The following BMS1 variants were observed in gnomAD, a reference collection of about 807,000 sequenced individuals.
BMS1 encodes BMS1 ribosome biogenesis factor.
A neutral mutation model predicts 138.7 loss-of-function variants in BMS1; 53 were observed. The ratio of observed to expected loss-of-function variants is 0.38; its 90% CI spans 0.31 to 0.48. The LOEUF (loss-of-function observed/expected upper bound fraction) is 0.48, where lower values mean the gene tolerates loss of function less well. Among genes scored for constraint, BMS1 ranks in the 20% least tolerant of loss-of-function variants. The pLI is 0.97. For missense variants in BMS1, 1,360 were observed against 1,565.5 expected (o/e 0.87, Z 2.22); for synonymous variants, 504 against 539.9 (o/e 0.93, Z 0.92).
At chr10:42,828,099 G>A (rs1842704035) in intron 21 of BMS1, among the ~76,000 whole-genome samples, 1 of 152,234 alleles carries the variant, frequency 6.6e-6, no homozygotes, top group Non-Finnish European at 1.5e-5. Context: ...CCTGGACCAA[G>A]CAGTAGCCTC....
chr10:42,792,028 C>G (rs1277525809), intron 6 of BMS1, among the ~76,000 whole-genome samples: 1 of 152,088 alleles, frequency 6.6e-6, no homozygotes, highest in Non-Finnish European at 1.5e-5. Flanking sequence ...CTACGTTCAG[C>G]CTCAGTTTTC....
chr10:42,813,675 C>T (rs1014423119), intron 13 of BMS1, among the ~76,000 whole-genome samples: 1 of 152,074 alleles, frequency 6.6e-6, no homozygotes, highest in East Asian at 1.9e-4. Flanking sequence ...TCCCATAGTC[C>T]CATATTCATC....
chr10:42,786,284 G>C (rs1438390921), intron 3 of BMS1, among the ~76,000 whole-genome samples: 1 of 152,228 alleles, frequency 6.6e-6, no homozygotes, highest in Non-Finnish European at 1.5e-5. Context: ...TGCTTTGGGA[G>C]ATGGTGACCT....
At chr10:42,810,935 T>G (rs1179543678) in intron 13 of BMS1, among the ~76,000 whole-genome samples, 1 of 152,210 alleles carries the variant, frequency 6.6e-6, no homozygotes, top group Non-Finnish European at 1.5e-5. Context: ...ATCTTTGTCG[T>G]AAAATTTATT....
In BMS1 at chr10:42,792,572, A is replaced by C. The variant is rs1420838734; in HGVS notation, c.859A>C (p.Arg287=). 6.2e-7 allele frequency: 1 copy of C among 1,611,102 alleles called. No individual in the cohort carries two copies. Among genetic ancestry groups the C allele is most frequent in the South Asian group, 1.1e-5 (1 of 90,980 alleles). Residue 287 remains arginine (R), a synonymous_variant, in exon 7 of 23, where the codon AGA becomes CGA. Transcript: ENST00000374518. The part of the protein sequence containing the change: ...DRKVSLYGYL[R]GAHLKNKSQI... Reference sequence around the variant, plus strand: ...GAAGGTGTCACTTTATGGTTATTTAAGAGGAGCACACTTGAAAAATAAAAG... The same window carrying C: ...GAAGGTGTCACTTTATGGTTATTTACGAGGAGCACACTTGAAAAATAAAAG...
chr10:42,829,752 G>A (rs1842749371), intron 21 of BMS1, among the ~76,000 whole-genome samples: 1 of 151,996 alleles, frequency 6.6e-6, no homozygotes, highest in Non-Finnish European at 1.5e-5. Flanking sequence ...AACCCAGGAG[G>A]TGGAGGTTGC....
chr10:42,797,202 A>G lies in BMS1; in HGVS notation c.1958A>G (p.Glu653Gly), dbSNP rs1252788111. ...NLLKEEEDYK[E>G]ENNDSKETSG... ...CTCAAAGAGGAAGAAGATTACAAGG[A>G]AGAAAATAATGATTCCAAAGAAACG... The change falls in exon 10 of 23, where the codon GAA becomes GGA. Residue 653 changes from glutamate (E) to glycine (G), a missense_variant. Glu to Gly is a moderately conservative substitution (Grantham distance 98, BLOSUM62 -2). This residue lies in a region of BMS1 where 697 missense variants were observed against 686.2 expected (regional missense o/e 1.02). Coordinates refer to ENST00000374518, the MANE Select transcript of BMS1 (RefSeq NM_014753.4). 1 of 1,605,956 alleles carries G rather than the reference A, an allele frequency of 6.2e-7. No homozygotes were observed. The highest frequency in any genetic ancestry group is 1.3e-5 in the African/African-American group (1 of 74,296).
intron 13 of BMS1, among the ~76,000 whole-genome samples, chr10:42,812,797 G>A (rs1842222429): frequency 1.3e-5 from 2 of 152,224 alleles, no homozygotes; most frequent in African/African-American, 4.8e-5. Context: ...GAGGGGGAAT[G>A]CAATTGGCTT....
intron 12 of BMS1, 97 bp from the exon 13 acceptor site, chr10:42,802,040 A>C: frequency 1.2e-6 from 1 of 865,414 alleles, no homozygotes; most frequent in Non-Finnish European, 1.8e-6. Context: ...GAAAGTGGGA[A>C]ATATTTAAAG....
chr10:42,820,939 A>G lies in BMS1; in HGVS notation c.2956A>G (p.Ile986Val), dbSNP rs549396023. 202 of 1,603,902 alleles carry G rather than the reference A, an allele frequency of 1.3e-4. 1 individual carries two copies. In the South Asian group the frequency reaches 1.9e-3, roughly 15 times the overall value. Reference protein sequence around the residue: ...MHCGAAFWGPITPQGTGFLAI... With the variant: ...MHCGAAFWGPVTPQGTGFLAI... ...TTTTTTCCTTTTCCTTTAAGGCCCTATCACTCCACAGGGAACTGGTTTCTT... is the reference window on the plus strand; with the variant it reads ...TTTTTTCCTTTTCCTTTAAGGCCCTGTCACTCCACAGGGAACTGGTTTCTT... The change falls in exon 18 of 23, where the codon ATC (isoleucine) becomes GTC (valine). Residue 986 changes from isoleucine (I) to valine (V), a missense_variant. Physicochemically the swap from Ile to Val is conservative, Grantham distance 29. Coordinates refer to ENST00000374518, the MANE Select transcript of BMS1 (RefSeq NM_014753.4).
Position 42,830,976 on chromosome 10 carries a change from G to A in BMS1, c.3729G>A (p.Glu1243=), listed in dbSNP as rs1242167863. The change falls in exon 23 of 23, where the codon GAG becomes GAA. Residue 1243 remains glutamate, a synonymous_variant. Transcript: ENST00000374518. Reference sequence around the variant, plus strand: ...AGCACTTCAGAGCCAAGCAGAAGGAGGAGGAGGAGAAGCTGAAGCGGCAGA... The same window carrying A: ...AGCACTTCAGAGCCAAGCAGAAGGAAGAGGAGGAGAAGCTGAAGCGGCAGA... ...NKEHFRAKQK[E]EEEKLKRQKD... is the part of the protein sequence containing the mutation. 1 of 1,608,754 alleles carries A rather than the reference G, an allele frequency of 6.2e-7. No individual in the cohort carries two copies. The highest frequency in any genetic ancestry group is 1.3e-5 in the African/African-American group (1 of 74,760).
chr10:42,816,483 A>G (rs1336086388), intron 13 of BMS1, 116 bp from the exon 14 acceptor site: 5 of 724,202 alleles, frequency 6.9e-6, no homozygotes, highest in Non-Finnish European at 1.1e-5. Context: ...GTGTAGTGAC[A>G]GGAACAGTGA....
At position 42,798,586 on chromosome 10, in the gene BMS1, A is replaced by G. The variant is rs752860856; in HGVS notation, c.2208A>G (p.Arg736=). The change falls in exon 12 of 23, where the codon AGA becomes AGG. Residue 736 remains arginine (R), a synonymous_variant. Coordinates refer to ENST00000374518, the MANE Select transcript of BMS1 (RefSeq NM_014753.4). ...KHKADSLDCS[R]FLVEAPHDWD... ...AGGCTGACTCTTTGGACTGCTCCAG[A>G]TTTCTTGTGGAGGCCCCCCATGACT... 1.9e-6 allele frequency: 3 copies of G among 1,614,076 alleles called. No homozygotes were observed. The highest frequency in any genetic ancestry group is 2.7e-5 in the African/African-American group (2 of 74,922).
chr10:42,799,583 T>A (rs1013517792), intron 12 of BMS1, among the ~76,000 whole-genome samples: 3 of 152,218 alleles, frequency 2.0e-5, no homozygotes, highest in Non-Finnish European at 4.4e-5. Flanking sequence ...ACCATTTTTT[T>A]ATGGTGAAAT....
intron 21 of BMS1, 83 bp downstream of exon 21, chr10:42,823,867 T>TA (rs1281253985): frequency 8.4e-7 from 1 of 1,190,146 alleles, no homozygotes; most frequent in Non-Finnish European, 1.1e-6. Flanking sequence ...TATAATTTCT[T>TA]ACATGCTTTG....
intron 9 of BMS1, among the ~76,000 whole-genome samples, chr10:42,795,884 C>T (rs1453840534): frequency 7.2e-5 from 11 of 152,128 alleles, no homozygotes; most frequent in Admixed American, 5.2e-4. Context: ...CCCTTTATTT[C>T]GGTATCACTG....
chr10:42,828,552 A>G (rs2506105), intron 21 of BMS1, among the ~76,000 whole-genome samples: 34,513 of 151,314 alleles, frequency 0.23, 4,490 homozygotes, highest in Non-Finnish European at 0.31. Flanking sequence ...GGCCTCCACC[A>G]CCAGCAGCAG....
At chr10:42,806,870 A>G (rs1010453996) in intron 13 of BMS1, among the ~76,000 whole-genome samples, 7 of 97,002 alleles carry the variant, frequency 7.2e-5, no homozygotes, top group Admixed American at 1.9e-4. Context: ...AAATACAGAG[A>G]AAAAAAAAGA....
At chr10:42,821,542 CTTTTTTTTTTTTTTTTTT>C (rs34272995) in intron 18 of BMS1, among the ~76,000 whole-genome samples, 1 of 68,594 alleles carries the variant, frequency 1.5e-5, no homozygotes, top group African/African-American at 6.2e-5. Flanking sequence ...CTCAAGGCGC[CTTTTTTTTTTTTTTTTTT>C]TTTTTTTTTT....
Sources: gnomAD v4.1 joint callset for allele counts (sites outside exome capture counted in the v4.1 genomes callset) on GRCh38, gnomAD v4.1.1 for gene constraint, gnomAD v4.1.1 regional missense constraint, MANE v1.5 for transcripts, NCBI Gene and HGNC (gene_info 2026-07-23, HGNC 2026-07-21) for gene names.